Variants in GLYR1 observed in about 807,000 individuals in gnomAD.
GLYR1 encodes cytokine-like nuclear factor N-PAC.
Under a neutral mutation model 72.7 loss-of-function variants are expected in GLYR1, and 21 were observed. The ratio of observed to expected loss-of-function variants is 0.29; its 90% confidence interval spans 0.20 to 0.42. The LOEUF (loss-of-function observed/expected upper bound fraction) is 0.42, where lower values mean the gene tolerates loss of function less well. GLYR1 is among the 10% of genes least tolerant of loss of function. The pLI, the probability that GLYR1 is intolerant of heterozygous loss-of-function variation, is 1.00. For synonymous variants in GLYR1, 392 were observed against 270.2 expected, an observed-to-expected ratio of 1.45 and a Z score of -4.42; for missense variants, 594 against 712.1, an observed-to-expected ratio of 0.83 and a Z score of 1.89.
At position 4,805,322 on chromosome 16, in the gene GLYR1, A is replaced by AT. The variant is rs1360937243; in HGVS notation, c.1588-13_1588-12insA. ...GCTCTTTTGTACACCTGGAAAAAAA[A>AT]GAGATGGCTCAGTCTCTGGCCCCAG... On this transcript the variant is annotated splice_polypyrimidine_tract_variant and intron_variant, in intron 15 of 15. Coordinates refer to ENST00000321919, the MANE Select transcript of GLYR1 (RefSeq NM_032569.4). 1.9e-6 allele frequency: 3 copies of AT among 1,611,814 alleles called. 1 individual carries two copies. In the Admixed American group the frequency reaches 5.0e-5, roughly 27 times the overall value.
chr16:4,820,627 C>T (rs375792438), intron 9 of GLYR1, among the ~76,000 whole-genome samples: 2 of 152,110 alleles, frequency 1.3e-5, no homozygotes, highest in Non-Finnish European at 2.9e-5. Context: ...TTAAACAGTA[C>T]AAAAATATCA....
At chr16:4,828,380 A>G (rs1342488467) in intron 5 of GLYR1, among the ~76,000 whole-genome samples, 2 of 152,198 alleles carry the variant, frequency 1.3e-5, no homozygotes, top group East Asian at 1.9e-4. Context: ...AGGTATGTAC[A>G]TTTTAAAAAG....
At chr16:4,829,857 G>T (rs148518465) in intron 5 of GLYR1, among the ~76,000 whole-genome samples, 1 of 152,046 alleles carries the variant, frequency 6.6e-6, no homozygotes, top group Non-Finnish European at 1.5e-5. Context: ...ATTTTTAGTA[G>T]AGACGGGGTT....
chr16:4,812,710 C>T (rs1287499783), intron 12 of GLYR1, among the ~76,000 whole-genome samples: 2 of 151,958 alleles, frequency 1.3e-5, no homozygotes, highest in East Asian at 3.9e-4. Context: ...CCAGGATTGT[C>T]TTGATCTCCT....
chr16:4,845,138 T>C lies in GLYR1; in HGVS notation c.91A>G (p.Lys31Glu). Residue 31 changes from lysine to glutamate, a missense_variant, in exon 3 of 16, where the codon AAG (lysine) becomes GAG (glutamate). By Grantham distance (56) the Lys-to-Glu change is moderately conservative. Around this residue, in one of 5 missense-constraint regions of GLYR1, gnomAD observed 62 missense variants for 82.5 expected, o/e 0.75. Coordinates refer to ENST00000321919, the MANE Select transcript of GLYR1 (RefSeq NM_032569.4). The part of the protein sequence containing the change: ...PWPGKIVNPP[K>E]DLKKPRGKKC... ...TTTCCGCGAGGTTTCTTCAAGTCCTTTGGTGGATTAACAATCTGGAGGATA... is the reference window on the plus strand; with the variant it reads ...TTTCCGCGAGGTTTCTTCAAGTCCTCTGGTGGATTAACAATCTGGAGGATA... 1.2e-6 allele frequency: 2 copies of C among 1,614,034 alleles called. No individual in the cohort carries two copies. Among genetic ancestry groups the C allele is most frequent in the Non-Finnish European group, 1.7e-6 (2 of 1,179,920 alleles).
intron 3 of GLYR1, among the ~76,000 whole-genome samples, chr16:4,836,072 T>G (rs1209362716): frequency 6.6e-6 from 1 of 152,196 alleles, no homozygotes; most frequent in Non-Finnish European, 1.5e-5. Context: ...GTGCTGGGAT[T>G]ACAGGTATGA....
chr16:4,814,585 G>A lies in GLYR1; in HGVS notation c.969C>T (p.Thr323=), dbSNP rs776304920. 11 of 1,614,158 alleles carry A rather than the reference G, an allele frequency of 6.8e-6. No individual in the cohort carries two copies. The highest frequency in any genetic ancestry group is 9.3e-6 in the Non-Finnish European group (11 of 1,180,038). ...LGRTPAEVVS[T]CDITFACVSD... ...ACACGCAGGCGAAAGTGATGTCGCAGGTTGAGACGACTTCAGCGGGGGTTC... is the reference window on the plus strand; with the variant it reads ...ACACGCAGGCGAAAGTGATGTCGCAAGTTGAGACGACTTCAGCGGGGGTTC... Residue 323 remains threonine, a synonymous_variant, in exon 11 of 16, where the codon ACC becomes ACT. Coordinates refer to ENST00000321919, the MANE Select transcript of GLYR1 (RefSeq NM_032569.4).
intron 5 of GLYR1, among the ~76,000 whole-genome samples, chr16:4,830,104 A>G (rs917760959): frequency 6.7e-6 from 1 of 149,870 alleles, no homozygotes; most frequent in Non-Finnish European, 1.5e-5. Context: ...ATGCCTGGCC[A>G]ATTTTTTAGT....
rs1172491836 is a variant in GLYR1 at position 4,803,461 on chromosome 16, AAAAG to A, written c.*1771_*1774del. On this transcript the variant is annotated 3_prime_UTR_variant, in exon 16 of 16. Transcript: ENST00000321919. ...TTTCTCCTTAAAAGGGAAGGATTTC[AAAAG>A]AAAGGTGAAATAGCTTAAACAGAAA... 3 of 152,690 alleles carry A rather than the reference AAAAG, an allele frequency of 2.0e-5. No homozygotes were observed. The highest frequency in any genetic ancestry group is 6.5e-5 in the Admixed American group (1 of 15,290). 9.5% of individuals were successfully genotyped at this position (152,690 alleles called of 1,614,324 possible). A position where few individuals can be genotyped will look rare whatever the true frequency, so the allele number is the denominator to read the frequency against.
chr16:4,836,806 T>G (rs1596391092), intron 3 of GLYR1, among the ~76,000 whole-genome samples: 1 of 149,266 alleles, frequency 6.7e-6, no homozygotes, highest in Middle Eastern at 3.4e-3. Context: ...GAACACATAT[T>G]ATATTGGAAA....
Position 4,846,158 on chromosome 16 carries a change from G to C in GLYR1, c.75+16C>G. Reference sequence around the variant, plus strand: ...ACCCAACTTCAGATCTCTTCCTTTAGTAGCAAGACACTCACCTTTCCTGGC... The same window carrying C: ...ACCCAACTTCAGATCTCTTCCTTTACTAGCAAGACACTCACCTTTCCTGGC... On this transcript the variant is annotated intron_variant, in intron 2 of 15. Transcript: ENST00000321919. 6.2e-7 allele frequency: 1 copy of C among 1,613,524 alleles called. No homozygotes were observed. Among genetic ancestry groups the C allele is most frequent in the Non-Finnish European group, 8.5e-7 (1 of 1,179,562 alleles).
rs1164233980 is a variant in GLYR1 at position 4,832,255 on chromosome 16, C to T, written c.295-34G>A. On this transcript the variant is annotated intron_variant, in intron 4 of 15. Transcript: ENST00000321919. ...TTAATAATAATAATGATAACTACCA[C>T]CACAGCTGCTGCCGCCATCGCCACC... The T allele has an allele frequency of 3.7e-6, 6 of 1,609,692 alleles. No individual in the cohort carries two copies. In the African/African-American group the frequency reaches 5.3e-5, roughly 14 times the overall value.
At chr16:4,831,724 A>AT (rs1181804126) in intron 5 of GLYR1, among the ~76,000 whole-genome samples, 1 of 152,188 alleles carries the variant, frequency 6.6e-6, no homozygotes, top group East Asian at 1.9e-4. Context: ...CCAGGCTAGA[A>AT]TGCAGTGGTG....
chr16:4,807,034 C>T (rs1013726325), intron 15 of GLYR1, among the ~76,000 whole-genome samples: 2 of 151,208 alleles, frequency 1.3e-5, no homozygotes, highest in African/African-American at 4.9e-5. Flanking sequence ...TCTTGATCTC[C>T]TGACCTCGTG....
intron 5 of GLYR1, among the ~76,000 whole-genome samples, chr16:4,831,305 C>T (rs1036939226): frequency 6.6e-6 from 1 of 152,340 alleles, no homozygotes; most frequent in Admixed American, 6.5e-5. Context: ...TCGGTGACTA[C>T]TGGTGCACAC....
At chr16:4,808,537 G>A (rs769858887) in intron 15 of GLYR1, among the ~76,000 whole-genome samples, 1 of 152,112 alleles carries the variant, frequency 6.6e-6, no homozygotes, top group Admixed American at 6.6e-5. Flanking sequence ...GGCAGAGGTT[G>A]CAGTGAGCCG....
intron 10 of GLYR1, among the ~76,000 whole-genome samples, chr16:4,815,836 C>T (rs2083602533): frequency 6.6e-6 from 1 of 151,976 alleles, no homozygotes; most frequent in Non-Finnish European, 1.5e-5. Context: ...GGATGGAGTG[C>T]AGTGGCACGA....
chr16:4,819,007 C>T (rs911662775), intron 9 of GLYR1, among the ~76,000 whole-genome samples: 3 of 152,142 alleles, frequency 2.0e-5, no homozygotes, highest in African/African-American at 7.2e-5. Context: ...GATGCCACTG[C>T]TGCTATTTCA....
rs1397287056 is a variant in GLYR1, at chr16:4,823,823, C to T, written c.622G>A (p.Glu208Lys). The T allele has an allele frequency of 6.8e-6, 11 of 1,613,804 alleles. No homozygotes were observed. The highest frequency in any genetic ancestry group is 4.5e-5 in the East Asian group (2 of 44,874). Reference protein sequence around the residue: ...AAFKWQPTASEPVKDADPHFH... With the variant: ...AAFKWQPTASKPVKDADPHFH... ...CTGCCTGCAGGAGAGCTCCTTACCT[C>T]GCTTGCGGTTGGCTGCCATTTAAAC... The change falls in exon 6 of 16, where the codon GAG becomes AAG. Residue 208 changes from glutamate (E) to lysine (K), a missense_variant and splice_region_variant. By Grantham distance (56) the Glu-to-Lys change is moderately conservative. Around this residue, in one of 5 missense-constraint regions of GLYR1, gnomAD observed 252 missense variants for 211.3 expected, o/e 1.19. Transcript: ENST00000321919.
Sources: allele counts gnomAD v4.1 joint callset (sites outside exome capture counted in the v4.1 genomes callset), GRCh38; gene constraint gnomAD v4.1.1; regional missense constraint gnomAD v4.1.1; transcripts MANE v1.5; gene names NCBI Gene and HGNC (gene_info 2026-07-23, HGNC 2026-07-21).